VSTM5: variants seen among roughly 807,000 people sequenced by gnomAD.
VSTM5 encodes V-set and transmembrane domain-containing protein 5.
A neutral mutation model predicts 20.3 loss-of-function variants in VSTM5; 21 were observed. That is an observed-to-expected ratio of 1.03 (90% CI 0.73 to 1.49). VSTM5 has a LOEUF of 1.49. Ranked by LOEUF, VSTM5 falls within the 40% of genes most tolerant of loss-of-function variation. The pLI, the probability that VSTM5 is intolerant of heterozygous loss-of-function variation, is 0.00. For missense variants in VSTM5, 219 were observed against 250.0 expected (o/e 0.88, Z 0.84); for synonymous variants, 100 against 102.5 (o/e 0.98, Z 0.14).
intron 1 of VSTM5, among the ~76,000 whole-genome samples, chr11:93,840,689 C>T (rs1484678907): frequency 6.6e-6 from 1 of 152,166 alleles, no homozygotes; most frequent in African/African-American, 2.4e-5. Flanking sequence ...AAAACTCTAA[C>T]ACAGTGGTTC....
At position 93,820,869 on chromosome 11, in the gene VSTM5, C is replaced by A. The variant is rs1310528364; in HGVS notation, c.433G>T (p.Asp145Tyr). The A allele has an allele frequency of 1.3e-6, 2 of 1,550,540 alleles. No homozygotes were observed. Among genetic ancestry groups the A allele is most frequent in the African/African-American group, 2.7e-5 (2 of 73,022 alleles). Residue 145 changes from aspartate (D) to tyrosine (Y), a missense_variant, in exon 3 of 4, where the codon GAC (aspartate) becomes TAC (tyrosine). By Grantham distance (160) the Asp-to-Tyr change is radical (BLOSUM62 -3). Coordinates refer to ENST00000409977, the MANE Select transcript of VSTM5 (RefSeq NM_001144871.2). The stretch of plus-strand genomic sequence containing the variant: ...AGGATGACAGCGACAAAGTGCAGGT[C>A]TTCATAGAGGATCTCTATGGAGTGA... ...VLHVSEILYE[D>Y]LHFVAVILAF... is the part of the protein sequence containing the mutation.
intron 1 of VSTM5, among the ~76,000 whole-genome samples, chr11:93,848,507 C>G (rs1944431407): frequency 6.6e-6 from 1 of 152,198 alleles, no homozygotes; most frequent in African/African-American, 2.4e-5. Flanking sequence ...CTGGTACACC[C>G]TGCATTCCCT....
intron 1 of VSTM5, among the ~76,000 whole-genome samples, chr11:93,844,413 G>A (rs11821265): frequency 6.6e-6 from 1 of 152,014 alleles, no homozygotes; most frequent in East Asian, 1.9e-4. Context: ...GACCCACATC[G>A]CCCTTCTCCT....
At chr11:93,839,006 C>T (rs1037014276) in intron 1 of VSTM5, among the ~76,000 whole-genome samples, 2 of 152,208 alleles carry the variant, frequency 1.3e-5, no homozygotes, top group African/African-American at 4.8e-5. Context: ...CTTAGGAGTC[C>T]CTAATGAGTG....
chr11:93,841,360 C>T (rs1944368630), intron 1 of VSTM5, among the ~76,000 whole-genome samples: 1 of 152,252 alleles, frequency 6.6e-6, no homozygotes. Context: ...TGCTTCATTC[C>T]TGTGTTTCAT....
Position 93,850,401 on chromosome 11 carries a change from C to CTA in VSTM5, c.91+10_91+11insTA. 1.3e-6 allele frequency: 2 copies of CTA among 1,547,650 alleles called. No homozygotes were observed. Among genetic ancestry groups the CTA allele is most frequent in the Non-Finnish European group, 8.7e-7 (1 of 1,145,604 alleles). On this transcript the variant is annotated intron_variant, in intron 1 of 3. Transcript: ENST00000409977. ...GCTCCCCCAGCACCCGGGGCGTCCC[C>CTA]CGGAGCTTACTCTGCAGACAGCGGG...
At chr11:93,833,630 A>G (rs1944300022) in intron 1 of VSTM5, among the ~76,000 whole-genome samples, 1 of 152,174 alleles carries the variant, frequency 6.6e-6, no homozygotes, top group Non-Finnish European at 1.5e-5. Context: ...CTACTGGAAA[A>G]TGTTGGTATA....
At chr11:93,832,566 T>G (rs1269454991) in intron 1 of VSTM5, among the ~76,000 whole-genome samples, 1 of 152,200 alleles carries the variant, frequency 6.6e-6, no homozygotes, top group Non-Finnish European at 1.5e-5. Context: ...ACACTGTGAC[T>G]GTAAAAATAC....
Position 93,850,582 on chromosome 11 carries a change from T to A in VSTM5, c.-80A>T. 1.0e-6 allele frequency: 1 copy of A among 966,986 alleles called. No homozygotes were observed. The highest frequency in any genetic ancestry group is 1.4e-6 in the Non-Finnish European group (1 of 708,260). 59.9% of individuals were successfully genotyped at this position (966,986 alleles called of 1,614,324 possible). ...GCTCCTATGCAGCCTTCTCTCTTCC[T>A]CCGCCTCTGGCTGCCGCAGGTTCTT... On this transcript the variant is annotated 5_prime_UTR_variant, in exon 1 of 4. Transcript: ENST00000409977.
chr11:93,850,306 A>C, intron 1 of VSTM5, 106 bp downstream of exon 1: 1 of 940,852 alleles, frequency 1.1e-6, no homozygotes, highest in East Asian at 3.1e-5. Flanking sequence ...TCAGCCGGAC[A>C]AGGTGGGCGA....
At chr11:93,838,878 C>T (rs1944346318) in intron 1 of VSTM5, among the ~76,000 whole-genome samples, 1 of 152,188 alleles carries the variant, frequency 6.6e-6, no homozygotes, top group Non-Finnish European at 1.5e-5. Flanking sequence ...GGGCACAAGC[C>T]CTGATTCCAG....
At chr11:93,839,873 C>A (rs561450700) in intron 1 of VSTM5, among the ~76,000 whole-genome samples, 3 of 152,264 alleles carry the variant, frequency 2.0e-5, no homozygotes, top group African/African-American at 4.8e-5. Flanking sequence ...AAAATGAGGT[C>A]ATTACAGTGA....
At chr11:93,827,253 C>T (rs936584435) in intron 1 of VSTM5, among the ~76,000 whole-genome samples, 1 of 152,144 alleles carries the variant, frequency 6.6e-6, no homozygotes, top group African/African-American at 2.4e-5. Flanking sequence ...CATGGTGGCA[C>T]ATGCCTGTAA....
intron 1 of VSTM5, chr11:93,827,839 A>C (rs1944251644): frequency 6.6e-6 from 1 of 152,148 alleles, no homozygotes; most frequent in Non-Finnish European, 1.5e-5. Flanking sequence ...AACATGTAAA[A>C]CAGCATACCT....
rs563840280 is a variant in VSTM5 at position 93,827,799 on chromosome 11, C to T, written c.92-6476G>A. The T allele has an allele frequency of 1.0e-4, 15 of 150,170 alleles. 1 individual carries two copies. The highest frequency in any genetic ancestry group is 4.2e-4 in the South Asian group (2 of 4,740). 9.3% of individuals were successfully genotyped at this position (150,170 alleles called of 1,614,324 possible). On this transcript the variant is annotated intron_variant, in intron 1 of 3. Transcript: ENST00000409977. ...TGAGCTTTGTATGGGCAAGGAAAGACGTCTGTGATGTTACTAAGTTAAAAA... is the reference window on the plus strand; with the variant it reads ...TGAGCTTTGTATGGGCAAGGAAAGATGTCTGTGATGTTACTAAGTTAAAAA...
intron 1 of VSTM5, among the ~76,000 whole-genome samples, chr11:93,840,193 A>G (rs1297535616): frequency 1.3e-5 from 2 of 152,354 alleles, no homozygotes; most frequent in Non-Finnish European, 1.5e-5. Flanking sequence ...TTTTATTTCC[A>G]GAAATAATTG....
At chr11:93,849,019 G>A (rs968239057) in intron 1 of VSTM5, among the ~76,000 whole-genome samples, 1 of 152,200 alleles carries the variant, frequency 6.6e-6, no homozygotes, top group African/African-American at 2.4e-5. Context: ...CTGTCTTACT[G>A]GGTTTCTGAG....
At position 93,821,105 on chromosome 11, in the gene VSTM5, A is replaced by AGCCGTTGTCAAATGGT. The variant is rs1270738350; in HGVS notation, c.309_310insACCATTTGACAACGGC (p.Ser104ThrfsTer3). ...ACTCCCACGCTGAAGAGCTGGATGG[A>AGCCGTTGTCAAATGGT]GCCGTTGTCAAAGGTGCAGACTCTG... On this transcript the variant is annotated stop_gained and frameshift_variant, in exon 2 of 4. Transcript: ENST00000409977. LOFTEE classifies it high-confidence loss of function. The AGCCGTTGTCAAATGGT allele has an allele frequency of 1.9e-6, 3 of 1,551,840 alleles. No individual in the cohort carries two copies. Among genetic ancestry groups the AGCCGTTGTCAAATGGT allele is most frequent in the Non-Finnish European group, 2.6e-6 (3 of 1,147,046 alleles).
intron 1 of VSTM5, among the ~76,000 whole-genome samples, chr11:93,845,935 A>C (rs549116880): frequency 6.6e-6 from 1 of 152,232 alleles, no homozygotes; most frequent in African/African-American, 2.4e-5. Flanking sequence ...GATGCCTCCC[A>C]TGACTGGCAG....
Sources: gnomAD v4.1 joint callset for allele counts (sites outside exome capture counted in the v4.1 genomes callset) on GRCh38, gnomAD v4.1.1 for gene constraint, MANE v1.5 for transcripts, NCBI Gene and HGNC (gene_info 2026-07-23, HGNC 2026-07-21) for gene names.